Variants in POLA1 observed in about 807,000 individuals in gnomAD.
POLA1 encodes the protein DNA polymerase alpha catalytic subunit.
Under a neutral mutation model 124.0 loss-of-function variants are expected in POLA1, and 15 were observed. That is an observed-to-expected ratio of 0.12 (90% CI 0.08 to 0.19). POLA1 has a LOEUF of 0.19. Among genes scored for constraint, POLA1 ranks in the 10% least tolerant of loss-of-function variants. POLA1 has a pLI of 1.00. For synonymous variants in POLA1, 408 were observed against 389.4 expected, an observed-to-expected ratio of 1.05 and a Z score of -0.56; for missense variants, 886 against 1,103.4, an observed-to-expected ratio of 0.80 and a Z score of 2.79.
chrX:24,714,721 T>G (rs1453876887), intron 5 of POLA1, 52 bp downstream of exon 5: 2 of 696,266 alleles, frequency 2.9e-6, no homozygotes, highest in Admixed American at 5.8e-5. Context: ...GAGGTGAATT[T>G]AATATTTGAT....
At chrX:24,957,523 T>C (rs2048120058) in intron 36 of POLA1, among the ~76,000 whole-genome samples, 1 of 111,521 alleles carries the variant, frequency 9.0e-6, no homozygotes, top group African/African-American at 3.3e-5. Flanking sequence ...CTCAAGGTGA[T>C]GTTTATGGAT....
chrX:24,929,588 G>A (rs2047744107), intron 35 of POLA1, among the ~76,000 whole-genome samples: 1 of 111,966 alleles, frequency 8.9e-6, no homozygotes, highest in African/African-American at 3.2e-5. Flanking sequence ...TAACCCCTTG[G>A]GAAGATGGAA....
At chrX:24,694,092 GGTTT>G in intron 1 of POLA1, 88 bp downstream of exon 1, 2 of 909,416 alleles carry the variant, frequency 2.2e-6, no homozygotes, top group Non-Finnish European at 3.1e-6. Context: ...CGCACACCCG[GGTTT>G]GTTTGGGCGC....
chrX:24,799,777 G>T (rs1383451287), intron 26 of POLA1, among the ~76,000 whole-genome samples: 1 of 111,633 alleles, frequency 9.0e-6, no homozygotes, highest in Non-Finnish European at 1.9e-5. Flanking sequence ...GGCGGGGTGG[G>T]GGAGAAAGTT....
chrX:24,971,700 T>C (rs764189841), intron 36 of POLA1, among the ~76,000 whole-genome samples: 1 of 112,019 alleles, frequency 8.9e-6, no homozygotes, highest in East Asian at 2.8e-4. Context: ...TTAAGCAACA[T>C]GAGGACTGGC....
At chrX:24,992,464 C>CAA (rs1368675535) in intron 36 of POLA1, among the ~76,000 whole-genome samples, 1 of 112,583 alleles carries the variant, frequency 8.9e-6, no homozygotes, top group Non-Finnish European at 1.9e-5. Flanking sequence ...TTATGACTGA[C>CAA]TGTATAACAC....
At chrX:24,958,657 T>TA (rs1377430509) in intron 36 of POLA1, among the ~76,000 whole-genome samples, 3 of 112,189 alleles carry the variant, frequency 2.7e-5, no homozygotes, top group African/African-American at 9.7e-5. Context: ...GTGTAGTTAA[T>TA]ATACTCTCCC....
At chrX:24,884,764 A>G (rs932124849) in intron 34 of POLA1, among the ~76,000 whole-genome samples, 2 of 112,201 alleles carry the variant, frequency 1.8e-5, no homozygotes, top group Non-Finnish European at 3.8e-5. Context: ...AGCACTAGTT[A>G]TTGTTGTCAT....
intron 26 of POLA1, among the ~76,000 whole-genome samples, chrX:24,799,479 A>G (rs1392014844): frequency 8.9e-6 from 1 of 112,556 alleles, no homozygotes; most frequent in Admixed American, 9.4e-5. Context: ...TTTTTAGCGT[A>G]TTACACTGAT....
intron 36 of POLA1, 145 bp from the exon 37 acceptor site, chrX:24,995,660 G>A (rs2048597163): frequency 2.0e-6 from 1 of 496,802 alleles, no homozygotes. Flanking sequence ...GGTCGGCGGG[G>A]GCTGCATCTG....
intron 15 of POLA1, among the ~76,000 whole-genome samples, chrX:24,730,275 G>A (rs886704683): frequency 6.4e-5 from 7 of 108,829 alleles, no homozygotes; most frequent in African/African-American, 2.0e-4. Context: ...GTCTTGCTCT[G>A]TTGCCTAGGC....
At chrX:24,872,655 A>G (rs1202200355) in intron 34 of POLA1, among the ~76,000 whole-genome samples, 1 of 111,749 alleles carries the variant, frequency 8.9e-6, no homozygotes, top group Non-Finnish European at 1.9e-5. Context: ...TCAGTGGAGC[A>G]ACTATAGAAA....
chrX:24,965,001 C>T (rs1012378313), intron 36 of POLA1, among the ~76,000 whole-genome samples: 20 of 111,667 alleles, frequency 1.8e-4, no homozygotes, highest in African/African-American at 4.9e-4. Flanking sequence ...ATAAGGACAT[C>T]GGTGAATGGA....
At chrX:24,767,059 T>A (rs977134137) in intron 26 of POLA1, among the ~76,000 whole-genome samples, 2 of 111,747 alleles carry the variant, frequency 1.8e-5, no homozygotes, top group South Asian at 3.8e-4. Context: ...TGAATTCACA[T>A]GTAGAGAGGA....
intron 34 of POLA1, among the ~76,000 whole-genome samples, chrX:24,874,601 G>C (rs1259741659): frequency 8.9e-6 from 1 of 112,215 alleles, no homozygotes; most frequent in Non-Finnish European, 1.9e-5. Context: ...TTGAACAAGA[G>C]AGAGAATGAG....
chrX:24,841,899 G>A (rs1343168351), intron 33 of POLA1, 69 bp downstream of exon 33: 24 of 781,408 alleles, frequency 3.1e-5, no homozygotes, highest in South Asian at 2.1e-4. Flanking sequence ...CCCCCACTAT[G>A]GGGTATATAA....
intron 34 of POLA1, among the ~76,000 whole-genome samples, chrX:24,854,907 A>G (rs1258036684): frequency 1.8e-5 from 2 of 111,708 alleles, no homozygotes; most frequent in Non-Finnish European, 3.8e-5. Flanking sequence ...AAAAAATTGG[A>G]TATATCTAAG....
At chrX:24,701,772 T>A (rs1288083897) in intron 2 of POLA1, among the ~76,000 whole-genome samples, 4 of 103,838 alleles carry the variant, frequency 3.9e-5, no homozygotes, top group Non-Finnish European at 7.9e-5. Flanking sequence ...GAATTTTTTT[T>A]TTTTTTAATC....
chrX:24,784,460 G>A (rs939485161), intron 26 of POLA1, among the ~76,000 whole-genome samples: 6 of 110,395 alleles, frequency 5.4e-5, no homozygotes, highest in East Asian at 5.7e-4. Context: ...GAGGCGGGCC[G>A]ATCACCTGAG....
Sources: gnomAD v4.1 joint callset for allele counts (sites outside exome capture counted in the v4.1 genomes callset) on GRCh38, gnomAD v4.1.1 for gene constraint, MANE v1.5 for transcripts, NCBI Gene and HGNC (gene_info 2026-07-23, HGNC 2026-07-21) for gene names.